Variants in ARHGEF4 observed in about 807,000 individuals in gnomAD.
The protein encoded by ARHGEF4 is APC-stimulated guanine nucleotide exchange factor 1.
ARHGEF4 carries 119 observed loss-of-function variants against 162.0 expected under a neutral mutation model. The ratio of observed to expected loss-of-function variants is 0.73; its 90% CI spans 0.63 to 0.86. The LOEUF is 0.86. Ranked by LOEUF, ARHGEF4 falls within the 40% of genes least tolerant of loss-of-function variation. The pLI is 0.00. For synonymous variants in ARHGEF4, 1,014 were observed against 979.9 expected (o/e 1.03, Z -0.65); for missense variants, 2,488 against 2,456.0 (o/e 1.01, Z -0.28).
chr2:131,011,762 C>A, intron 4 of ARHGEF4: 1 of 983,926 alleles, frequency 1.0e-6, no homozygotes, highest in South Asian at 1.4e-5. Context: ...TCTGAAGCAG[C>A]TCTCAGGCAG....
At chr2:131,039,081 A>G in intron 6 of ARHGEF4, 49 bp downstream of exon 6, 1 of 1,541,288 alleles carries the variant, frequency 6.5e-7, no homozygotes, top group African/African-American at 1.4e-5. Context: ...ATAAAAAGCT[A>G]CCTGGTTCTG....
intron 4 of ARHGEF4, among the ~76,000 whole-genome samples, chr2:130,991,840 C>T (rs1023781250): frequency 2.7e-4 from 41 of 152,228 alleles, no homozygotes; most frequent in African/African-American, 1.7e-4. Flanking sequence ...GCACATGGCG[C>T]GGGACTGGCA....
At chr2:131,012,769 T>C (rs567944593) in intron 4 of ARHGEF4, among the ~76,000 whole-genome samples, 3 of 152,074 alleles carry the variant, frequency 2.0e-5, no homozygotes, top group Non-Finnish European at 4.4e-5. Flanking sequence ...TTAGTAGAAA[T>C]GGGGTTCTGC....
intron 4 of ARHGEF4, among the ~76,000 whole-genome samples, chr2:130,980,305 G>A (rs1686036374): frequency 6.6e-6 from 1 of 151,182 alleles, no homozygotes; most frequent in African/African-American, 2.4e-5. Context: ...GCTGAGGCAG[G>A]AGAATCACTT....
chr2:130,915,755 G>C lies in ARHGEF4; in HGVS notation c.1809G>C (p.Glu603Asp). Residue 603 changes from glutamate (E) to aspartate (D), a missense_variant, in exon 2 of 14, where the codon GAG (glutamate) becomes GAC (aspartate). Physicochemically the swap from Glu to Asp is conservative, Grantham distance 45. Around this residue, in one of 6 missense-constraint regions of ARHGEF4, gnomAD observed 1,642 missense variants for 1,481.5 expected, o/e 1.11. Transcript: ENST00000409359. ...CTCACTGCGGCCCCGGGGCTGAGGA[G>C]GGTGAACAGGGGCCTGGGGGTGCCG... ...TVSHCGPGAE[E>D]GEQGPGGAGG... is the part of the protein sequence containing the mutation. 2.0e-6 allele frequency: 3 copies of C among 1,537,910 alleles called. No individual in the cohort carries two copies. The highest frequency in any genetic ancestry group is 2.6e-6 in the Non-Finnish European group (3 of 1,140,724).
chr2:130,849,838 T>C (rs12465283), intron 1 of ARHGEF4, among the ~76,000 whole-genome samples: 4,956 of 152,310 alleles, frequency 0.033, 162 homozygotes, highest in East Asian at 0.083. Context: ...GTGCTGGGAT[T>C]ACAGGCTTGA....
At chr2:130,846,477 C>T (rs1271819692) in intron 1 of ARHGEF4, among the ~76,000 whole-genome samples, 1 of 152,206 alleles carries the variant, frequency 6.6e-6, no homozygotes, top group East Asian at 1.9e-4. Context: ...CCCAGGCCAG[C>T]GCCCTCACTC....
intron 4 of ARHGEF4, among the ~76,000 whole-genome samples, chr2:130,960,099 T>C (rs544343070): frequency 1.1e-4 from 16 of 152,262 alleles, no homozygotes; most frequent in Admixed American, 2.6e-4. Context: ...TATAATGGCA[T>C]TTTGGTCAGT....
At position 131,011,812 on chromosome 2, in the gene ARHGEF4, C is replaced by G; in HGVS notation, c.3986-16133C>G. ...TTATTGTAGTTTACCAAGGACCGCT[C>G]AGGGTATTGTGCAGAGGGAAGACCA... On this transcript the variant is annotated intron_variant, in intron 4 of 13. Coordinates refer to ENST00000409359, the MANE Select transcript of ARHGEF4 (RefSeq NM_001367493.1). The G allele has an allele frequency of 5.2e-6, 4 of 772,068 alleles. 1 individual carries two copies. The highest frequency in any genetic ancestry group is 2.2e-4 in the Middle Eastern group (1 of 4,534). The allele number at this position is 772,068 out of a possible 1,614,324, so 47.8% of individuals were successfully genotyped here.
chr2:131,036,960 G>T (rs777624352), intron 5 of ARHGEF4, among the ~76,000 whole-genome samples: 1 of 152,148 alleles, frequency 6.6e-6, no homozygotes. Flanking sequence ...CCATATGGTC[G>T]CCTGAGCCCT....
chr2:130,998,679 G>A (rs550212066), intron 4 of ARHGEF4, among the ~76,000 whole-genome samples: 8 of 152,156 alleles, frequency 5.3e-5, no homozygotes, highest in South Asian at 4.1e-4. Flanking sequence ...ATAATTTGTC[G>A]TTGTGTATAT....
In ARHGEF4 at chr2:130,884,355, C is replaced by T. The variant is rs528177388; in HGVS notation, c.40-29631C>T. 3.3e-5 allele frequency among the ~76,000 whole-genome samples: 5 copies of T among 152,174 alleles called. No homozygotes were observed. The South Asian group carries it at 1.0e-3, about 32-fold the overall frequency. Reference sequence around the variant, plus strand: ...GTTTAATGGTTAAAGAGTACAGACCCTGGAAGCAGATTATACTTGTTAGAT... The same window carrying T: ...GTTTAATGGTTAAAGAGTACAGACCTTGGAAGCAGATTATACTTGTTAGAT... On this transcript the variant is annotated intron_variant, in intron 1 of 13. Transcript: ENST00000409359.
rs971162676 is a variant in ARHGEF4, at chr2:130,871,159, A to G, written c.39+34167A>G. On this transcript the variant is annotated intron_variant, in intron 1 of 13. Coordinates refer to ENST00000409359, the MANE Select transcript of ARHGEF4 (RefSeq NM_001367493.1). ...GCTGGGGCACAGGTCAGCTCTCTCAACCCCACAATGGCCTGGATAAAGGAT... is the reference window on the plus strand; with the variant it reads ...GCTGGGGCACAGGTCAGCTCTCTCAGCCCCACAATGGCCTGGATAAAGGAT... 5.9e-5 allele frequency among the ~76,000 whole-genome samples: 9 copies of G among 152,210 alleles called. No homozygotes were observed. The East Asian group carries it at 1.5e-3, about 26-fold the overall frequency.
At chr2:131,026,859 C>T (rs1157870610) in intron 4 of ARHGEF4, among the ~76,000 whole-genome samples, 1 of 152,218 alleles carries the variant, frequency 6.6e-6, no homozygotes, top group Non-Finnish European at 1.5e-5. Flanking sequence ...CGTCTACACT[C>T]AGCAGTGTGA....
intron 3 of ARHGEF4, among the ~76,000 whole-genome samples, chr2:130,935,226 C>T (rs1682872628): frequency 6.6e-6 from 1 of 151,722 alleles, no homozygotes. Context: ...TTGGTAGAAA[C>T]AGGGTTTCAC....
At chr2:130,964,214 C>G (rs1015067290) in intron 4 of ARHGEF4, 4 of 985,360 alleles carry the variant, frequency 4.1e-6, no homozygotes, top group Admixed American at 6.2e-5. Flanking sequence ...GTGTCCCGCT[C>G]CTGGAGCCTG....
At chr2:130,913,843 C>T in intron 1 of ARHGEF4, 143 bp from the exon 2 acceptor site, 1 of 991,832 alleles carries the variant, frequency 1.0e-6, no homozygotes, top group South Asian at 1.7e-5. Flanking sequence ...GCCCTTCATA[C>T]TTACCTCCCT....
chr2:130,922,102 G>A lies in ARHGEF4; in HGVS notation c.3552+4604G>A, dbSNP rs1051998603. Reference sequence around the variant, plus strand: ...GAGTTTATTCAGGCCGGGCGCAGTGGCTCAAGCCTGTAATCTCAGCACTTT... The same window carrying A: ...GAGTTTATTCAGGCCGGGCGCAGTGACTCAAGCCTGTAATCTCAGCACTTT... On this transcript the variant is annotated intron_variant, in intron 2 of 13. Coordinates refer to ENST00000409359, the MANE Select transcript of ARHGEF4 (RefSeq NM_001367493.1). Among the ~76,000 whole-genome samples, 3 of 151,808 alleles carry A rather than the reference G, an allele frequency of 2.0e-5. No individual in the cohort carries two copies. In the South Asian group the frequency reaches 6.3e-4, roughly 32 times the overall value.
intron 4 of ARHGEF4, among the ~76,000 whole-genome samples, chr2:131,015,802 G>A (rs961485849): frequency 5.9e-5 from 9 of 152,186 alleles, no homozygotes; most frequent in African/African-American, 1.7e-4. Context: ...CCTTGTGAGC[G>A]TGTGAAGAAA....
Sources: allele counts gnomAD v4.1 joint callset (sites outside exome capture counted in the v4.1 genomes callset), GRCh38; gene constraint gnomAD v4.1.1; regional missense constraint gnomAD v4.1.1; transcripts MANE v1.5; gene names NCBI Gene and HGNC (gene_info 2026-07-23, HGNC 2026-07-21).